C10orf90: variants seen among roughly 807,000 people sequenced by gnomAD.
C10orf90 encodes the protein (E2-independent) E3 ubiquitin-conjugating enzyme FATS.
Under a neutral mutation model 62.5 loss-of-function variants are expected in C10orf90, and 56 were observed. That is an observed-to-expected ratio of 0.90 (90% CI 0.72 to 1.12). The LOEUF (loss-of-function observed/expected upper bound fraction) is 1.12. Ranked by LOEUF, C10orf90 falls within the 50% of genes most tolerant of loss-of-function variation. The probability of loss-of-function intolerance (pLI) is 0.00; values close to 1 mark genes in which losing one functional copy is unlikely to be tolerated. For missense variants in C10orf90, 970 were observed against 880.4 expected (o/e 1.10, Z -1.29); for synonymous variants, 386 against 340.4 (o/e 1.13, Z -1.47).
chr10:126,514,951 G>A (rs968331522), intron 2 of C10orf90, among the ~76,000 whole-genome samples: 8 of 152,198 alleles, frequency 5.3e-5, no homozygotes, highest in African/African-American at 1.9e-4. Context: ...AAATACTCTA[G>A]GGAAGGTGAT....
At chr10:126,515,907 A>T (rs1377504591) in intron 2 of C10orf90, among the ~76,000 whole-genome samples, 1 of 152,220 alleles carries the variant, frequency 6.6e-6, no homozygotes, top group Non-Finnish European at 1.5e-5. Flanking sequence ...TGACAGAGAC[A>T]GTTATCCAAG....
In C10orf90 at chr10:126,504,899, C is replaced by T. The variant is rs747789559; in HGVS notation, c.592G>A (p.Ala198Thr). 1.2e-6 allele frequency: 2 copies of T among 1,614,212 alleles called. No individual in the cohort carries two copies. The highest frequency in any genetic ancestry group is 1.7e-6 in the Non-Finnish European group (2 of 1,180,038). ...ATTCCTAATCTGCCCGGAAGTAACG[C>T]AAATGCTCTGTGAATGTTGACTCCG... ...RSGVNIHRAF[A>T]LLPGRLGIPA... Residue 198 changes from alanine (A) to threonine (T), a missense_variant, in exon 4 of 10, where the codon GCG becomes ACG. Physicochemically the swap from Ala to Thr is moderately conservative, Grantham distance 58. Coordinates refer to ENST00000488181, the MANE Select transcript of C10orf90 (RefSeq NM_001350921.2). This position sits in a 1 kb window ranked among gnomAD's most constrained non-coding sequence, Gnocchi z 4.1.
chr10:126,478,595 C>T (rs1295713385), intron 4 of C10orf90, among the ~76,000 whole-genome samples: 1 of 152,188 alleles, frequency 6.6e-6, no homozygotes, highest in Non-Finnish European at 1.5e-5. Context: ...CTCTCACCCC[C>T]GTGCTCAAAG....
intron 2 of C10orf90, among the ~76,000 whole-genome samples, chr10:126,600,905 A>G (rs1466294062): frequency 2.6e-5 from 4 of 152,244 alleles, no homozygotes; most frequent in African/African-American, 9.6e-5. Flanking sequence ...CCCTGGCAGT[A>G]CTATTTACAG....
At chr10:126,588,316 C>A (rs948517132) in intron 2 of C10orf90, among the ~76,000 whole-genome samples, 7 of 152,224 alleles carry the variant, frequency 4.6e-5, no homozygotes, top group African/African-American at 1.4e-4. Flanking sequence ...ATGGTGCACC[C>A]ACACTGCCAA....
intron 7 of C10orf90, among the ~76,000 whole-genome samples, chr10:126,433,437 G>A (rs1857710281): frequency 6.6e-6 from 1 of 152,110 alleles, no homozygotes; most frequent in South Asian, 2.1e-4. Flanking sequence ...GAAGTAGAGA[G>A]AGACATACCC....
intron 7 of C10orf90, among the ~76,000 whole-genome samples, chr10:126,449,828 C>T (rs1465046289): frequency 6.6e-6 from 1 of 151,978 alleles, no homozygotes; most frequent in African/African-American, 2.4e-5. Context: ...GAAACCCTGT[C>T]TCTACTAAAG....
At chr10:126,630,366 G>A (rs1845828483) in intron 2 of C10orf90, among the ~76,000 whole-genome samples, 1 of 152,140 alleles carries the variant, frequency 6.6e-6, no homozygotes, top group South Asian at 2.1e-4. Flanking sequence ...GCTCATGGGG[G>A]TTGGGATAGG....
chr10:126,551,789 T>G (rs1417818757), intron 2 of C10orf90, among the ~76,000 whole-genome samples: 1 of 152,222 alleles, frequency 6.6e-6, no homozygotes, highest in Non-Finnish European at 1.5e-5. Context: ...ATAAGGGCCT[T>G]GCACGCTTGC....
At chr10:126,485,251 C>T (rs1020101567) in intron 4 of C10orf90, among the ~76,000 whole-genome samples, 1 of 152,114 alleles carries the variant, frequency 6.6e-6, no homozygotes, top group African/African-American at 2.4e-5. Flanking sequence ...CACCAGAACC[C>T]GACCATGCTG....
chr10:126,613,927 G>A (rs1407376615), intron 2 of C10orf90, among the ~76,000 whole-genome samples: 1 of 152,182 alleles, frequency 6.6e-6, no homozygotes, highest in Non-Finnish European at 1.5e-5. Context: ...AGGAAATGGG[G>A]ATAGCCACCC....
At chr10:126,436,768 C>A (rs1857946860) in intron 7 of C10orf90, among the ~76,000 whole-genome samples, 1 of 152,076 alleles carries the variant, frequency 6.6e-6, no homozygotes, top group Non-Finnish European at 1.5e-5. Context: ...CTCAAGTGAT[C>A]CTCCCACTTC....
chr10:126,609,270 G>T (rs1260716566), intron 2 of C10orf90, among the ~76,000 whole-genome samples: 4 of 152,178 alleles, frequency 2.6e-5, no homozygotes, highest in Non-Finnish European at 5.9e-5. Flanking sequence ...AGGCATGGTG[G>T]TGGGCATCTG....
intron 1 of C10orf90, among the ~76,000 whole-genome samples, chr10:126,655,361 T>C (rs1206502705): frequency 6.6e-6 from 1 of 152,090 alleles, no homozygotes; most frequent in Non-Finnish European, 1.5e-5. Flanking sequence ...TGATCACAGA[T>C]AACCATAACA....
intron 2 of C10orf90, among the ~76,000 whole-genome samples, chr10:126,526,988 T>C (rs931334116): frequency 1.3e-5 from 2 of 152,220 alleles, no homozygotes; most frequent in Admixed American, 1.3e-4. Flanking sequence ...ACTTGAGTTG[T>C]TCCCCCTGTG....
chr10:126,528,292 T>TACC lies in C10orf90; in HGVS notation c.314-14356_314-14354dup, dbSNP rs551633262. ...TCTAGACAAAGAGAGAGATAATACT[T>TACC]ACCAATAAATACACTTACTAATCTT... On this transcript the variant is annotated intron_variant, in intron 2 of 9. Coordinates refer to ENST00000488181, the MANE Select transcript of C10orf90 (RefSeq NM_001350921.2). Among the ~76,000 whole-genome samples the TACC allele has an allele frequency of 1.4e-3, 207 of 152,232 alleles. 4 individuals carry two copies. Among genetic ancestry groups the TACC allele is most frequent in the African/African-American group, 4.9e-3 (203 of 41,530 alleles).
chr10:126,442,622 A>G (rs1858445801), intron 7 of C10orf90, among the ~76,000 whole-genome samples: 1 of 97,918 alleles, frequency 1.0e-5, no homozygotes, highest in Non-Finnish European at 2.0e-5. Context: ...CCCTACTATT[A>G]TTGTGTGTGT....
At chr10:126,535,207 AT>A (rs3044663) in intron 2 of C10orf90, among the ~76,000 whole-genome samples, 134,184 of 151,432 alleles carry the variant, frequency 0.89, 59,650 homozygotes, top group African/African-American at 0.96. Flanking sequence ...ACAAAATTGT[AT>A]TTTTTTTTCA....
chr10:126,540,784 C>A (rs2133966528), intron 2 of C10orf90, among the ~76,000 whole-genome samples: 1 of 152,028 alleles, frequency 6.6e-6, no homozygotes, highest in East Asian at 1.9e-4. Flanking sequence ...ACAGTGTGGT[C>A]TCAGCACAGG....
Sources: allele counts gnomAD v4.1 joint callset (sites outside exome capture counted in the v4.1 genomes callset), GRCh38; gene constraint gnomAD v4.1.1; non-coding constraint Gnocchi (gnomAD v3.1); transcripts MANE v1.5; gene names NCBI Gene and HGNC (gene_info 2026-07-23, HGNC 2026-07-21).